Variants in B3GALT5 observed in about 807,000 individuals in gnomAD.
B3GALT5 encodes UDP-Gal:betaGlcNAc beta 1,3-galactosyltransferase, polypeptide 5.
For missense variants in B3GALT5, 328 were observed against 396.6 expected, an observed-to-expected ratio of 0.83 and a Z score of 1.47; for synonymous variants, 156 against 158.6, an observed-to-expected ratio of 0.98 and a Z score of 0.12.
At chr21:39,614,471 A>G (rs904422488) in intron 1 of B3GALT5, among the ~76,000 whole-genome samples, 2 of 152,352 alleles carry the variant, frequency 1.3e-5, no homozygotes, top group East Asian at 3.9e-4. Context: ...AAGATTGACA[A>G]GGACAAGGTT....
intron 2 of B3GALT5, among the ~76,000 whole-genome samples, chr21:39,656,273 C>T (rs1273664849): frequency 6.6e-6 from 1 of 152,154 alleles, no homozygotes; most frequent in African/African-American, 2.4e-5. Context: ...AAGGCCTATG[C>T]GGTGGTGAGA....
In B3GALT5 at chr21:39,669,378, G is replaced by C; in HGVS notation, c.*7886G>C. On this transcript the variant is annotated 3_prime_UTR_variant, in exon 4 of 4. Transcript: ENST00000684187. ...AGTGGCACATCCAGGATTAAAAGCT[G>C]GCATCAGAAATCCCATGTCAGACAT... is the stretch of plus-strand genomic sequence containing the variant. The C allele has an allele frequency of 6.6e-6, 1 of 152,072 alleles. No homozygotes were observed. Among genetic ancestry groups the C allele is most frequent in the East Asian group, 1.9e-4 (1 of 5,196 alleles). 9.4% of individuals were successfully genotyped at this position (152,072 alleles called of 1,614,324 possible).
intron 1 of B3GALT5, among the ~76,000 whole-genome samples, chr21:39,637,090 G>A (rs1162425291): frequency 6.6e-6 from 1 of 152,124 alleles, no homozygotes; most frequent in East Asian, 1.9e-4. Flanking sequence ...TATTAGGGCC[G>A]AGCACACGGG....
chr21:39,639,288 C>CTCTTTCTTTCTTTCTTTCTT (rs71184689), intron 1 of B3GALT5, among the ~76,000 whole-genome samples: 14 of 98,524 alleles, frequency 1.4e-4, no homozygotes, highest in East Asian at 3.4e-4. Flanking sequence ...AGGCATCTGG[C>CTCTTTCTTTCTTTCTTTCTT]TCTTTCTTTC....
intron 2 of B3GALT5, among the ~76,000 whole-genome samples, chr21:39,653,581 T>A (rs1200322937): frequency 6.6e-6 from 1 of 152,232 alleles, no homozygotes; most frequent in Non-Finnish European, 1.5e-5. Context: ...GTACACCCGC[T>A]AGGTGTTTTG....
intron 1 of B3GALT5, among the ~76,000 whole-genome samples, chr21:39,623,377 T>G (rs1455595735): frequency 6.6e-6 from 1 of 151,916 alleles, no homozygotes; most frequent in African/African-American, 2.4e-5. Flanking sequence ...CATAAATTAG[T>G]TAAATTTAAT....
rs532857407 is a variant in B3GALT5 at position 39,614,728 on chromosome 21, G to A, written c.-392+1661G>A. 5.3e-5 allele frequency among the ~76,000 whole-genome samples: 8 copies of A among 152,320 alleles called. No homozygotes were observed. In the East Asian group the frequency reaches 1.5e-3, roughly 29 times the overall value. ...AGGCCAGTTCAGACGGGTCCAAGAA[G>A]AGTTTCAGGGTCTCCATCTTGTCCT... On this transcript the variant is annotated intron_variant, in intron 1 of 3. Transcript: ENST00000684187.
At chr21:39,619,326 G>A (rs553370516) in intron 1 of B3GALT5, among the ~76,000 whole-genome samples, 1 of 152,196 alleles carries the variant, frequency 6.6e-6, no homozygotes, top group Admixed American at 6.5e-5. Flanking sequence ...TTCTTCTTAT[G>A]AGGCCACCAA....
chr21:39,620,754 T>C, intron 1 of B3GALT5, among the ~76,000 whole-genome samples: 1 of 145,988 alleles, frequency 6.8e-6, no homozygotes, highest in African/African-American at 2.8e-5. Context: ...AAGAGTAGCC[T>C]GAATTAGCAA....
At chr21:39,619,225 G>T (rs2079122367) in intron 1 of B3GALT5, among the ~76,000 whole-genome samples, 1 of 152,142 alleles carries the variant, frequency 6.6e-6, no homozygotes. Flanking sequence ...AAAGGTGCCA[G>T]CCTGATCAGG....
chr21:39,658,246 C>T (rs532842204), intron 2 of B3GALT5, among the ~76,000 whole-genome samples: 1 of 150,744 alleles, frequency 6.6e-6, no homozygotes, highest in East Asian at 1.9e-4. Flanking sequence ...TTGGGTTTGG[C>T]ACCTGCTCTG....
At chr21:39,627,711 C>T (rs2079171688) in intron 1 of B3GALT5, among the ~76,000 whole-genome samples, 2 of 151,946 alleles carry the variant, frequency 1.3e-5, no homozygotes, top group Non-Finnish European at 2.9e-5. Context: ...TCATTTATTA[C>T]TTATGTATGT....
At chr21:39,613,599 A>T (rs926429968) in intron 1 of B3GALT5, among the ~76,000 whole-genome samples, 4 of 152,200 alleles carry the variant, frequency 2.6e-5, no homozygotes, top group Non-Finnish European at 5.9e-5. Flanking sequence ...GTCATTGCTA[A>T]ATACAGTGAG....
intron 1 of B3GALT5, among the ~76,000 whole-genome samples, chr21:39,629,309 C>CGA (rs1375956869): frequency 6.6e-6 from 1 of 152,206 alleles, no homozygotes; most frequent in East Asian, 1.9e-4. Context: ...GCCACCATGC[C>CGA]GAGCCTTAAC....
chr21:39,642,688 A>G (rs1245712688), intron 1 of B3GALT5, among the ~76,000 whole-genome samples: 1 of 152,234 alleles, frequency 6.6e-6, no homozygotes, highest in Non-Finnish European at 1.5e-5. Flanking sequence ...ATGGATTAAC[A>G]TATGGAGGAA....
Position 39,661,597 on chromosome 21 carries a change from C to A in B3GALT5, c.*105C>A. 1.9e-6 allele frequency: 2 copies of A among 1,080,028 alleles called. No individual in the cohort carries two copies. The highest frequency in any genetic ancestry group is 1.3e-6 in the Non-Finnish European group (1 of 793,480). 66.9% of individuals were successfully genotyped at this position (1,080,028 alleles called of 1,614,324 possible). A position where few individuals can be genotyped will look rare whatever the true frequency, so the allele number is the denominator to read the frequency against. On this transcript the variant is annotated 3_prime_UTR_variant, in exon 4 of 4. Transcript: ENST00000684187. The surrounding 1 kb of genome is among the most constrained non-coding windows in gnomAD (Gnocchi z 4.7). ...GGACAGAGGATGCTGTTCTTCAGTG[C>A]TGAAATCCACGCCAGAATGTCGGTG...
intron 2 of B3GALT5, among the ~76,000 whole-genome samples, 163 bp from the exon 3 acceptor site, chr21:39,659,590 C>G (rs1218907051): frequency 6.6e-6 from 1 of 152,120 alleles, no homozygotes; most frequent in African/African-American, 2.4e-5. Context: ...CTTGATCATA[C>G]CCATTTTACA....
chr21:39,656,424 C>G (rs2079444953), intron 2 of B3GALT5, among the ~76,000 whole-genome samples: 1 of 152,202 alleles, frequency 6.6e-6, no homozygotes, highest in Admixed American at 6.5e-5. Context: ...CACACCTCCC[C>G]TTCAAGGACC....
intron 1 of B3GALT5, among the ~76,000 whole-genome samples, chr21:39,638,287 A>C (rs974393376): frequency 6.6e-6 from 1 of 152,188 alleles, no homozygotes; most frequent in Non-Finnish European, 1.5e-5. Flanking sequence ...AGACCCTAGC[A>C]GGCAGACACA....
Sources: allele counts gnomAD v4.1 joint callset (sites outside exome capture counted in the v4.1 genomes callset), GRCh38; gene constraint gnomAD v4.1.1; non-coding constraint Gnocchi (gnomAD v3.1); transcripts MANE v1.5; gene names NCBI Gene and HGNC (gene_info 2026-07-23, HGNC 2026-07-21).